The following OSBPL9 variants were observed in gnomAD, a reference collection of about 807,000 sequenced individuals.
The protein encoded by OSBPL9 is oxysterol-binding protein-related protein 9.
A neutral mutation model predicts 106.6 loss-of-function variants in OSBPL9; 40 were observed. The ratio of observed to expected loss-of-function variants is 0.38; its 90% confidence interval spans 0.29 to 0.49. The LOEUF (loss-of-function observed/expected upper bound fraction) is 0.49. OSBPL9 is among the 20% of genes least tolerant of loss of function. OSBPL9 has a pLI of 0.97. For missense variants in OSBPL9, 609 were observed against 887.2 expected (o/e 0.69, Z 3.98); for synonymous variants, 269 against 295.4 (o/e 0.91, Z 0.92).
Position 51,703,242 on chromosome 1 carries a change from A to G in OSBPL9, c.242-10761A>G, listed in dbSNP as rs1292014929. The stretch of plus-strand genomic sequence containing the variant: ...ATAAATTACCTTGGGCAGTGTGGCC[A>G]TTTTCACGATATTGATTCTTCCTAC... On this transcript the variant is annotated intron_variant, in intron 3 of 23. Coordinates refer to ENST00000428468, the MANE Select transcript of OSBPL9 (RefSeq NM_024586.6). Among the ~76,000 whole-genome samples, 4 of 152,130 alleles carry G rather than the reference A, an allele frequency of 2.6e-5. No individual in the cohort carries two copies. The East Asian group carries it at 7.7e-4, about 29-fold the overall frequency.
In OSBPL9 at chr1:51,781,342, T is replaced by C; in HGVS notation, c.1428+7T>C. 1 of 1,612,172 alleles carries C rather than the reference T, an allele frequency of 6.2e-7. No individual in the cohort carries two copies. The highest frequency in any genetic ancestry group is 8.5e-7 in the Non-Finnish European group (1 of 1,178,298). ...TGATACTGAAGAGAACACAGTGAGT[T>C]CTGCATTGACATTTTTAAATTATCT... On this transcript the variant is annotated splice_region_variant and intron_variant, in intron 16 of 23. Transcript: ENST00000428468.
chr1:51,588,028 A>G (rs1030268558), intron 1 of OSBPL9, among the ~76,000 whole-genome samples: 1 of 152,056 alleles, frequency 6.6e-6, no homozygotes, highest in African/African-American at 2.4e-5. Context: ...CATCACTGAA[A>G]GAGTGAATAA....
At chr1:51,772,983 A>T (rs536021453) in intron 14 of OSBPL9, among the ~76,000 whole-genome samples, 33 of 152,250 alleles carry the variant, frequency 2.2e-4, no homozygotes, top group Admixed American at 5.2e-4. Context: ...GGGTCAGAGG[A>T]TCTGTGTTTT....
chr1:51,661,516 G>T (rs1180253414), intron 2 of OSBPL9, among the ~76,000 whole-genome samples: 1 of 152,112 alleles, frequency 6.6e-6, no homozygotes, highest in Non-Finnish European at 1.5e-5. Flanking sequence ...TGTGACCCTG[G>T]AGCAACAGGC....
chr1:51,699,449 A>T (rs1016936858), intron 3 of OSBPL9, among the ~76,000 whole-genome samples: 1 of 151,996 alleles, frequency 6.6e-6, no homozygotes, highest in African/African-American at 2.4e-5. Flanking sequence ...ACTCAGCTTT[A>T]ATTTCCTTGC....
rs754138894 is a variant in OSBPL9 at position 51,786,550 on chromosome 1, A to G, written c.1933A>G (p.Lys645Glu). ...GGAAAATACAGTCTTTGTAGATACCAAGAAGTTGCCTATAATCAAGAAGAA... is the reference window on the plus strand; with the variant it reads ...GGAAAATACAGTCTTTGTAGATACCGAGAAGTTGCCTATAATCAAGAAGAA... ...TGENTVFVDT[K>E]KLPIIKKKVR... The change falls in exon 22 of 24, where the codon AAG (lysine) becomes GAG (glutamate). Residue 645 changes from lysine (K) to glutamate (E), a missense_variant. Coordinates refer to ENST00000428468, the MANE Select transcript of OSBPL9 (RefSeq NM_024586.6). 1 of 1,611,328 alleles carries G rather than the reference A, an allele frequency of 6.2e-7. No homozygotes were observed. Among genetic ancestry groups the G allele is most frequent in the South Asian group, 1.1e-5 (1 of 90,986 alleles).
intron 2 of OSBPL9, among the ~76,000 whole-genome samples, chr1:51,658,239 A>G (rs904259661): frequency 3.0e-4 from 46 of 152,206 alleles, no homozygotes; most frequent in Admixed American, 7.2e-4. Context: ...TCTGAGCCCT[A>G]TTTCCCATAT....
intron 1 of OSBPL9, among the ~76,000 whole-genome samples, chr1:51,635,763 A>C (rs1382946487): frequency 1.3e-5 from 2 of 152,110 alleles, no homozygotes; most frequent in Admixed American, 6.6e-5. Context: ...TTTTTTAAAA[A>C]CAGTGAAAAA....
intron 3 of OSBPL9, among the ~76,000 whole-genome samples, chr1:51,674,007 T>C (rs1351680518): frequency 2.0e-5 from 3 of 151,416 alleles, no homozygotes; most frequent in Non-Finnish European, 4.4e-5. Flanking sequence ...TGTCAACTCC[T>C]TCCTTCCTTC....
At chr1:51,628,752 C>T (rs1472405611) in intron 1 of OSBPL9, among the ~76,000 whole-genome samples, 20 of 141,540 alleles carry the variant, frequency 1.4e-4, no homozygotes, top group African/African-American at 2.6e-4. Context: ...GGCGTGATCT[C>T]GGCCCACTGC....
At chr1:51,585,381 G>A (rs1439063264) in intron 1 of OSBPL9, among the ~76,000 whole-genome samples, 2 of 152,150 alleles carry the variant, frequency 1.3e-5, no homozygotes, top group African/African-American at 4.8e-5. Context: ...TAATTACTTT[G>A]CAGAGCTGAG....
At chr1:51,636,124 ATCCT>A (rs1209429364) in intron 1 of OSBPL9, among the ~76,000 whole-genome samples, 48 of 133,564 alleles carry the variant, frequency 3.6e-4, no homozygotes, top group African/African-American at 1.3e-3. Flanking sequence ...TCTAAAATCA[ATCCT>A]TCCTTCCTTC....
Position 51,595,646 on chromosome 1 carries a change from T to A in OSBPL9, c.-422-2478T>A, listed in dbSNP as rs546545997. 4.2e-4 allele frequency among the ~76,000 whole-genome samples: 64 copies of A among 152,124 alleles called. 1 individual carries two copies. The highest frequency in any genetic ancestry group is 1.5e-3 in the African/African-American group (61 of 41,502). ...AAATTCATGTCATTTCTACAACAAC[T>A]CCATACTGTACAATCAATGTTATTT... On this transcript the variant is annotated intron_variant, in intron 1 of 25. Transcript: ENST00000371714.
In OSBPL9 at chr1:51,788,769, A is replaced by AGAT. The variant is rs770810363; in HGVS notation, c.*981_*983dup. 1.8e-4 allele frequency among the ~76,000 whole-genome samples: 27 copies of AGAT among 150,848 alleles called. No homozygotes were observed. Among genetic ancestry groups the AGAT allele is most frequent in the African/African-American group, 5.4e-4 (22 of 40,438 alleles). ...TCCCCACCCCACAGTGAACAAAAAT[A>AGAT]GATAGATAGATAGAATAAAATGAAT... On this transcript the variant is annotated 3_prime_UTR_variant, in exon 24 of 24. Transcript: ENST00000428468.
intron 2 of OSBPL9, among the ~76,000 whole-genome samples, chr1:51,656,097 A>G (rs540021198): frequency 6.6e-6 from 1 of 152,316 alleles, no homozygotes; most frequent in African/African-American, 2.4e-5. Context: ...ATGTTGTGTA[A>G]CCAAGAGGGA....
At chr1:51,777,723 A>G (rs554049214) in intron 15 of OSBPL9, among the ~76,000 whole-genome samples, 1 of 152,350 alleles carries the variant, frequency 6.6e-6, no homozygotes, top group East Asian at 1.9e-4. Flanking sequence ...AAATTAACAG[A>G]TAATTTAAGA....
At chr1:51,584,915 A>G (rs556608990) in intron 1 of OSBPL9, among the ~76,000 whole-genome samples, 1 of 152,030 alleles carries the variant, frequency 6.6e-6, no homozygotes, top group Non-Finnish European at 1.5e-5. Flanking sequence ...AAATGGGGAA[A>G]AGGTGGGCAT....
chr1:51,737,069 G>A (rs1665864859), intron 4 of OSBPL9, among the ~76,000 whole-genome samples: 1 of 151,864 alleles, frequency 6.6e-6, no homozygotes, highest in Non-Finnish European at 1.5e-5. Flanking sequence ...CATTTTGCTT[G>A]GTTATATTGG....
intron 3 of OSBPL9, among the ~76,000 whole-genome samples, chr1:51,682,816 A>G (rs1033665751): frequency 4.7e-5 from 7 of 149,772 alleles, no homozygotes; most frequent in Non-Finnish European, 1.0e-4. Flanking sequence ...CTTCAACTTT[A>G]TTTTCCTTTC....
Sources: gnomAD v4.1 joint callset for allele counts (sites outside exome capture counted in the v4.1 genomes callset) on GRCh38, gnomAD v4.1.1 for gene constraint, MANE v1.5 for transcripts, NCBI Gene and HGNC (gene_info 2026-07-23, HGNC 2026-07-21) for gene names.